The following LHFPL1 variants were observed in gnomAD, a reference collection of about 807,000 sequenced individuals.
LHFPL1 encodes the protein LHFPL tetraspan subfamily member 1, also known as LHFPL tetraspan subfamily member 1 protein.
In LHFPL1, 4 loss-of-function variants were observed where a neutral mutation model predicts 12.1. The observed-to-expected ratio is 0.33, with a 90% confidence interval of 0.16 to 0.76. The LOEUF is 0.76. Among genes scored for constraint, LHFPL1 ranks in the 30% least tolerant of loss-of-function variants. The pLI is 0.61. For synonymous variants in LHFPL1, 52 were observed against 61.9 expected (o/e 0.84, Z 0.75); for missense variants, 141 against 174.1 (o/e 0.81, Z 1.07).
chrX:112,671,467 C>A (rs748925778), intron 1 of LHFPL1, 63 bp from the exon 2 acceptor site: 2 of 1,201,419 alleles, frequency 1.7e-6, no homozygotes, highest in Non-Finnish European at 2.2e-6. Flanking sequence ...CATGTAGGCT[C>A]CACTGGCCTA....
At chrX:112,641,412 C>CA (rs1292695495) in intron 3 of LHFPL1, among the ~76,000 whole-genome samples, 11 of 111,896 alleles carry the variant, frequency 9.8e-5, no homozygotes, top group African/African-American at 3.6e-4. Context: ...AGAGACTGAG[C>CA]CCAGGTCTGT....
intron 3 of LHFPL1, among the ~76,000 whole-genome samples, chrX:112,653,929 T>C (rs1930923611): frequency 8.9e-6 from 1 of 112,460 alleles, no homozygotes; most frequent in African/African-American, 3.2e-5. Context: ...ATTATTGAAA[T>C]GCAGATTAAA....
At chrX:112,679,070 A>G (rs922155702) in intron 1 of LHFPL1, among the ~76,000 whole-genome samples, 5 of 111,413 alleles carry the variant, frequency 4.5e-5, no homozygotes, top group African/African-American at 1.6e-4. Flanking sequence ...TCTCATAAGT[A>G]ATGGAAAAGA....
At chrX:112,656,973 T>C (rs927914657) in intron 3 of LHFPL1, among the ~76,000 whole-genome samples, 4 of 112,130 alleles carry the variant, frequency 3.6e-5, no homozygotes, top group Non-Finnish European at 5.6e-5. Flanking sequence ...AAGTGTATCA[T>C]ACTCCAAATC....
In LHFPL1 at chrX:112,671,291, A is replaced by G. The variant is rs113068327; in HGVS notation, c.100T>C (p.Phe34Leu). The G allele has an allele frequency of 2.0e-4, 242 of 1,210,654 alleles. 1 individual carries two copies. In the African/African-American group the frequency reaches 3.6e-3, roughly 18 times the overall value. ...STSYFLPYWLFGSQMGKPVSF... is the reference protein window; with the variant it reads ...STSYFLPYWLLGSQMGKPVSF... ...ACTGGCTTCCCCATCTGGGATCCAA[A>G]GAGCCAGTAAGGTAGGAAGTAACTG... The change falls in exon 2 of 4, where the codon TTT becomes CTT. Residue 34 changes from phenylalanine (F) to leucine (L), a missense_variant. Phe to Leu is a conservative substitution (Grantham distance 22). Transcript: ENST00000371968.
chrX:112,679,565 C>T (rs1002439401), intron 1 of LHFPL1, among the ~76,000 whole-genome samples: 4 of 111,671 alleles, frequency 3.6e-5, no homozygotes, highest in Admixed American at 2.9e-4. Context: ...CCAACTAGCA[C>T]TTAACCCTTA....
chrX:112,633,845 T>C (rs1044572784), intron 3 of LHFPL1, among the ~76,000 whole-genome samples: 4 of 111,213 alleles, frequency 3.6e-5, no homozygotes, highest in African/African-American at 1.3e-4. Flanking sequence ...ATCTCCAAAG[T>C]AGTTTAAACG....
At chrX:112,654,950 G>T (rs1930956440) in intron 3 of LHFPL1, among the ~76,000 whole-genome samples, 1 of 111,762 alleles carries the variant, frequency 8.9e-6, no homozygotes, top group Non-Finnish European at 1.9e-5. Context: ...CAGTTAACCG[G>T]TATGGAGGGT....
At chrX:112,647,803 A>T (rs1478765572) in intron 3 of LHFPL1, among the ~76,000 whole-genome samples, 1 of 112,099 alleles carries the variant, frequency 8.9e-6, no homozygotes, top group Admixed American at 9.4e-5. Context: ...ATACCATTTG[A>T]CCCAGCAATC....
At chrX:112,656,681 A>G in intron 3 of LHFPL1, among the ~76,000 whole-genome samples, 1 of 112,759 alleles carries the variant, frequency 8.9e-6, no homozygotes, top group East Asian at 2.8e-4. Context: ...GCAGGATACA[A>G]GGCCAACATG....
intron 2 of LHFPL1, among the ~76,000 whole-genome samples, chrX:112,669,903 C>A (rs1931446386): frequency 8.9e-6 from 1 of 111,816 alleles, no homozygotes; most frequent in Non-Finnish European, 1.9e-5. Flanking sequence ...CCATCTCACT[C>A]CAAGGCCACA....
intron 3 of LHFPL1, among the ~76,000 whole-genome samples, chrX:112,642,358 A>T (rs980259973): frequency 6.9e-5 from 7 of 100,907 alleles, no homozygotes; most frequent in East Asian, 3.3e-4. Flanking sequence ...AAAAAATATT[A>T]AAAAAAATAA....
intron 3 of LHFPL1, among the ~76,000 whole-genome samples, chrX:112,650,229 G>A (rs1197870595): frequency 9.0e-6 from 1 of 111,201 alleles, no homozygotes; most frequent in East Asian, 2.8e-4. Context: ...CGGTTTCTCA[G>A]AGACTTTGCT....
At chrX:112,670,148 G>A (rs1330009157) in intron 2 of LHFPL1, among the ~76,000 whole-genome samples, 1 of 112,390 alleles carries the variant, frequency 8.9e-6, no homozygotes, top group Non-Finnish European at 1.9e-5. Context: ...CTAAAACTCT[G>A]TAACAACAAA....
At chrX:112,670,918 G>A in intron 2 of LHFPL1, 91 bp downstream of exon 2, 1 of 974,076 alleles carries the variant, frequency 1.0e-6, no homozygotes, top group Non-Finnish European at 1.4e-6. Flanking sequence ...AGTGAAGGGG[G>A]TGAGAATGGG....
At chrX:112,638,269 G>C (rs771804357) in intron 3 of LHFPL1, among the ~76,000 whole-genome samples, 5 of 111,716 alleles carry the variant, frequency 4.5e-5, no homozygotes, top group Non-Finnish European at 9.4e-5. Context: ...CAAGGATAGA[G>C]AAGAACCTAA....
chrX:112,664,977 A>G (rs1931288190), intron 2 of LHFPL1, among the ~76,000 whole-genome samples: 1 of 111,437 alleles, frequency 9.0e-6, no homozygotes, highest in African/African-American at 3.3e-5. Context: ...TGTAATGTGG[A>G]CGTATCTTGT....
rs1462903931 is a variant in LHFPL1 at position 112,671,300 on chromosome X, A to G, written c.91T>C (p.Tyr31His). 1 of 1,212,014 alleles carries G rather than the reference A, an allele frequency of 8.3e-7. No individual in the cohort carries two copies. The highest frequency in any genetic ancestry group is 3.0e-5 in the East Asian group (1 of 33,851). ...VTSSTSYFLP[Y>H]WLFGSQMGKP... ...CCCATCTGGGATCCAAAGAGCCAGTAAGGTAGGAAGTAACTGGTAGAACTG... is the reference window on the plus strand; with the variant it reads ...CCCATCTGGGATCCAAAGAGCCAGTGAGGTAGGAAGTAACTGGTAGAACTG... The change falls in exon 2 of 4, where the codon TAC becomes CAC. Residue 31 changes from tyrosine (Y) to histidine (H), a missense_variant. Transcript: ENST00000371968.
chrX:112,644,421 C>T (rs1930626216), intron 3 of LHFPL1, among the ~76,000 whole-genome samples: 1 of 109,976 alleles, frequency 9.1e-6, no homozygotes, highest in African/African-American at 3.3e-5. Context: ...ATGATTACTA[C>T]AGTCAAGCAA....
Sources: gnomAD v4.1 joint callset for allele counts (sites outside exome capture counted in the v4.1 genomes callset) on GRCh38, gnomAD v4.1.1 for gene constraint, MANE v1.5 for transcripts, NCBI Gene and HGNC (gene_info 2026-07-23, HGNC 2026-07-21) for gene names.